The following NRG3 variants were observed in gnomAD, a reference collection of about 807,000 sequenced individuals.
NRG3 encodes the protein pro-neuregulin-3, membrane-bound isoform.
A neutral mutation model predicts 66.9 loss-of-function variants in NRG3; 31 were observed. The ratio of observed to expected loss-of-function variants is 0.46; its 90% CI spans 0.35 to 0.63. The LOEUF (loss-of-function observed/expected upper bound fraction) is 0.63. Ranked by LOEUF, NRG3 falls within the 20% of genes least tolerant of loss-of-function variation. The probability of loss-of-function intolerance (pLI) is 0.00; values close to 1 mark genes in which losing one functional copy is unlikely to be tolerated. For missense variants in NRG3, 910 were observed against 878.9 expected (o/e 1.04, Z -0.45); for synonymous variants, 393 against 359.4 (o/e 1.09, Z -1.06).
intron 1 of NRG3, among the ~76,000 whole-genome samples, chr10:82,191,759 C>T (rs913520110): frequency 6.6e-6 from 1 of 152,154 alleles, no homozygotes; most frequent in South Asian, 2.1e-4. Flanking sequence ...AGCATGCATG[C>T]TTTCTTACCA....
chr10:82,389,176 G>A (rs1433811907), intron 2 of NRG3, among the ~76,000 whole-genome samples: 4 of 152,162 alleles, frequency 2.6e-5, no homozygotes, highest in East Asian at 1.9e-4. Flanking sequence ...TTGTCTTTGT[G>A]TAATTAAGTG....
intron 3 of NRG3, among the ~76,000 whole-genome samples, chr10:82,754,128 C>A (rs1186573010): frequency 6.6e-6 from 1 of 151,790 alleles, no homozygotes; most frequent in Non-Finnish European, 1.5e-5. Context: ...TTATTAGCAG[C>A]ATATTTGTCA....
chr10:82,822,415 A>G (rs1326182334), intron 3 of NRG3, among the ~76,000 whole-genome samples: 1 of 152,162 alleles, frequency 6.6e-6, no homozygotes. Flanking sequence ...CAGTGGGTCT[A>G]CGTCCAAGAA....
At chr10:82,939,190 G>A (rs951481810) in intron 4 of NRG3, among the ~76,000 whole-genome samples, 24 of 152,268 alleles carry the variant, frequency 1.6e-4, no homozygotes, top group African/African-American at 5.8e-4. Flanking sequence ...GAGATGCACT[G>A]TTTGTGAAAG....
chr10:81,974,179 G>T (rs533975792), intron 1 of NRG3, among the ~76,000 whole-genome samples: 7 of 152,096 alleles, frequency 4.6e-5, no homozygotes, highest in Non-Finnish European at 1.0e-4. Context: ...TTTCCCCATT[G>T]CTTGTTTTTG....
At chr10:82,583,239 ACAAT>A (rs1324856203) in intron 2 of NRG3, among the ~76,000 whole-genome samples, 1 of 152,156 alleles carries the variant, frequency 6.6e-6, no homozygotes, top group East Asian at 1.9e-4. Context: ...GTTTTACAAA[ACAAT>A]CAATAGTAAG....
At chr10:82,944,458 G>A (rs1592045989) in intron 4 of NRG3, among the ~76,000 whole-genome samples, 1 of 152,140 alleles carries the variant, frequency 6.6e-6, no homozygotes, top group Non-Finnish European at 1.5e-5. Context: ...GAATTCTTAA[G>A]AGTTGGCACA....
intron 3 of NRG3, among the ~76,000 whole-genome samples, chr10:82,799,162 T>A (rs988827354): frequency 6.6e-6 from 1 of 152,124 alleles, no homozygotes; most frequent in Non-Finnish European, 1.5e-5. Context: ...TAACAAAAGA[T>A]GCTGAGACTT....
chr10:82,569,119 G>A (rs1036724545), intron 2 of NRG3, among the ~76,000 whole-genome samples: 6 of 151,644 alleles, frequency 4.0e-5, no homozygotes, highest in African/African-American at 1.5e-4. Flanking sequence ...TGATGATGTA[G>A]CATTATAGCC....
At chr10:81,965,624 G>T (rs2059703244) in intron 1 of NRG3, among the ~76,000 whole-genome samples, 1 of 151,592 alleles carries the variant, frequency 6.6e-6, no homozygotes, top group Admixed American at 6.6e-5. Flanking sequence ...TTTTGTCCTT[G>T]CTCATTATTA....
At chr10:81,971,223 G>A (rs2059922444) in intron 1 of NRG3, among the ~76,000 whole-genome samples, 1 of 152,220 alleles carries the variant, frequency 6.6e-6, no homozygotes, top group Admixed American at 6.5e-5. Context: ...GCGCTTCTTT[G>A]TAAATATTTC....
intron 1 of NRG3, among the ~76,000 whole-genome samples, chr10:82,285,600 G>T (rs1196632077): frequency 6.6e-6 from 1 of 152,164 alleles, no homozygotes; most frequent in African/African-American, 2.4e-5. Context: ...GAGTTTATCA[G>T]TACTTTCTTG....
intron 1 of NRG3, among the ~76,000 whole-genome samples, chr10:81,998,373 C>G (rs866454037): frequency 1.6e-4 from 24 of 152,140 alleles, no homozygotes; most frequent in African/African-American, 5.8e-4. Flanking sequence ...AGAAATCAAC[C>G]TCTTTATAAT....
At chr10:82,487,710 T>C (rs998182765) in intron 2 of NRG3, among the ~76,000 whole-genome samples, 3 of 152,258 alleles carry the variant, frequency 2.0e-5, no homozygotes, top group Admixed American at 6.5e-5. Flanking sequence ...ATTTATTTAC[T>C]TGTGTTAGTT....
chr10:82,253,608 A>G (rs1253752128), intron 1 of NRG3, among the ~76,000 whole-genome samples: 2 of 152,186 alleles, frequency 1.3e-5, no homozygotes, highest in East Asian at 3.9e-4. Flanking sequence ...CTTACTCAAA[A>G]GCACAAATAT....
In NRG3 at chr10:82,437,035, A is replaced by G. The variant is rs539477084; in HGVS notation, c.953+78167A>G. On this transcript the variant is annotated intron_variant, in intron 2 of 8. Coordinates refer to ENST00000372141, the MANE Select transcript of NRG3 (RefSeq NM_001010848.4). ...TGTCTTGGGGTTGATCTTCTCATAGAGTATCTTAGTGGTGTTCTCTGTATT... is the reference window on the plus strand; with the variant it reads ...TGTCTTGGGGTTGATCTTCTCATAGGGTATCTTAGTGGTGTTCTCTGTATT... Among the ~76,000 whole-genome samples the G allele has an allele frequency of 2.0e-5, 3 of 152,048 alleles. No individual in the cohort carries two copies. In the South Asian group the frequency reaches 6.2e-4, roughly 32 times the overall value.
intron 1 of NRG3, among the ~76,000 whole-genome samples, chr10:82,099,924 C>T (rs1424118825): frequency 6.6e-6 from 1 of 151,682 alleles, no homozygotes; most frequent in Non-Finnish European, 1.5e-5. Flanking sequence ...TTCAAGTATG[C>T]AGTGAGCTGT....
At chr10:82,465,736 G>A (rs368640322) in intron 2 of NRG3, among the ~76,000 whole-genome samples, 36 of 152,242 alleles carry the variant, frequency 2.4e-4, no homozygotes, top group African/African-American at 7.7e-4. Context: ...GATGTCACAC[G>A]GACCTTGTAT....
At chr10:81,999,146 A>G (rs2061065669) in intron 1 of NRG3, among the ~76,000 whole-genome samples, 1 of 152,218 alleles carries the variant, frequency 6.6e-6, no homozygotes, top group Non-Finnish European at 1.5e-5. Flanking sequence ...GATTCCAAAA[A>G]TATTTACTAC....
Sources: gnomAD v4.1 joint callset for allele counts (sites outside exome capture counted in the v4.1 genomes callset) on GRCh38, gnomAD v4.1.1 for gene constraint, MANE v1.5 for transcripts, NCBI Gene and HGNC (gene_info 2026-07-23, HGNC 2026-07-21) for gene names.